LDLRAD1: variants seen among roughly 807,000 people sequenced by gnomAD.
LDLRAD1 encodes the protein low density lipoprotein receptor class A domain containing 1.
LDLRAD1 carries 17 observed loss-of-function variants against 24.8 expected under a neutral mutation model. That is an observed-to-expected ratio of 0.69 (90% CI 0.47 to 1.03). The LOEUF is 1.03. LDLRAD1 is among the 50% of genes least tolerant of loss of function. The pLI is 0.00. For missense variants in LDLRAD1, 277 were observed against 271.0 expected (o/e 1.02, Z -0.16); for synonymous variants, 103 against 108.2 (o/e 0.95, Z 0.30).
At chr1:54,012,053 T>A (rs55766128) in intron 4 of LDLRAD1, 90 bp downstream of exon 4, 10 of 1,493,862 alleles carry the variant, frequency 6.7e-6, no homozygotes, top group Non-Finnish European at 9.1e-6. Flanking sequence ...CCATGGGGAC[T>A]TGAAGGTGCC....
At chr1:54,015,259 T>C (rs1656254895) in intron 2 of LDLRAD1, among the ~76,000 whole-genome samples, 1 of 152,040 alleles carries the variant, frequency 6.6e-6, no homozygotes. Context: ...CGTGCACCAC[T>C]GTGTCTGGCC....
In LDLRAD1 at chr1:54,017,441, C is replaced by T; in HGVS notation, c.22-14G>A. On this transcript the variant is annotated splice_polypyrimidine_tract_variant and intron_variant, in intron 1 of 5. Transcript: ENST00000371360. ...GCCATTCTCTCCCTGCCCAAGAGAA[C>T]AGAGTGAGGGGTGGGCTTAGGTGAG... 1.3e-6 allele frequency: 2 copies of T among 1,595,416 alleles called. No individual in the cohort carries two copies. Among genetic ancestry groups the T allele is most frequent in the Non-Finnish European group, 1.7e-6 (2 of 1,169,666 alleles).
Position 54,009,051 on chromosome 1 carries a change from C to G in LDLRAD1, c.549G>C (p.Arg183Ser), listed in dbSNP as rs1557660469. 2 of 1,614,038 alleles carry G rather than the reference C, an allele frequency of 1.2e-6. No homozygotes were observed. The highest frequency in any genetic ancestry group is 1.7e-6 in the Non-Finnish European group (2 of 1,180,004). The change falls in exon 6 of 6, where the codon AGG becomes AGC. Residue 183 changes from arginine (R) to serine (S), a missense_variant. Arg to Ser is a moderately radical substitution (Grantham distance 110). Coordinates refer to ENST00000371360, the MANE Select transcript of LDLRAD1 (RefSeq NM_001010978.4). Reference protein sequence around the residue: ...TFFKYCDCIPRHLCRDHVQHC... With the variant: ...TFFKYCDCIPSHLCRDHVQHC... ...GCTGTACATGGTCGCGGCAGAGATG[C>G]CTCGGTATACAGTCGCAGTACTTGA...
At chr1:54,015,468 G>A (rs766043622) in intron 2 of LDLRAD1, among the ~76,000 whole-genome samples, 1 of 152,072 alleles carries the variant, frequency 6.6e-6, no homozygotes, top group African/African-American at 2.4e-5. Flanking sequence ...CCTGGTCCTT[G>A]CCCTCTGCAG....
At chr1:54,015,662 TG>T (rs67867145) in intron 2 of LDLRAD1, among the ~76,000 whole-genome samples, 38,342 of 144,210 alleles carry the variant, frequency 0.27, 6,228 homozygotes, top group East Asian at 0.48. Flanking sequence ...TTGTTTTTTT[TG>T]TTTTTTTTTT....
Position 54,012,125 on chromosome 1 carries a change from C to T in LDLRAD1, c.340+18G>A. On this transcript the variant is annotated intron_variant, in intron 4 of 5. Coordinates refer to ENST00000371360, the MANE Select transcript of LDLRAD1 (RefSeq NM_001010978.4). ...GTGGGGGAACCCCTGGGAGGGGCAG[C>T]ACCGAGCGGGTACTCACGGCACAAG... is the stretch of plus-strand genomic sequence containing the variant. The T allele has an allele frequency of 6.2e-7, 1 of 1,612,716 alleles. No homozygotes were observed. The highest frequency in any genetic ancestry group is 8.5e-7 in the Non-Finnish European group (1 of 1,179,734).
In LDLRAD1 at chr1:54,017,575, T is replaced by A. The variant is rs1656363618; in HGVS notation, c.22-148A>T. 5 of 690,064 alleles carry A rather than the reference T, an allele frequency of 7.2e-6. No individual in the cohort carries two copies. In the Admixed American group the frequency reaches 1.1e-4, roughly 15 times the overall value. The allele number at this position is 690,064 out of a possible 1,614,324, so 42.7% of individuals were successfully genotyped here. ...ACACCCCAGCATCTCACGCCCCAGA[T>A]GCATCATGCCCGCTTCATATGTCCA... is the stretch of plus-strand genomic sequence containing the variant. On this transcript the variant is annotated intron_variant, in intron 1 of 5. Coordinates refer to ENST00000371360, the MANE Select transcript of LDLRAD1 (RefSeq NM_001010978.4).
At chr1:54,014,655 G>A (rs970052467) in intron 2 of LDLRAD1, among the ~76,000 whole-genome samples, 1 of 148,302 alleles carries the variant, frequency 6.7e-6, no homozygotes, top group African/African-American at 2.5e-5. Context: ...TCCTCAGGAC[G>A]CAGGGAGAGA....
chr1:54,016,314 G>A (rs571343684), intron 2 of LDLRAD1, among the ~76,000 whole-genome samples: 1 of 152,276 alleles, frequency 6.6e-6, no homozygotes, highest in African/African-American at 2.4e-5. Flanking sequence ...TTGGCCATCA[G>A]CAAACAGGGT....
At position 54,008,885 on chromosome 1, in the gene LDLRAD1, G is replaced by A; in HGVS notation, c.*97C>T. ...AATGATGTGTAGATCCCATTTCAAA[G>A]GCTGCTTCCTGCCCTTGTGCGCTAG... On this transcript the variant is annotated 3_prime_UTR_variant, in exon 6 of 6. Transcript: ENST00000371360. 1.9e-6 allele frequency: 2 copies of A among 1,037,434 alleles called. No individual in the cohort carries two copies. Among genetic ancestry groups the A allele is most frequent in the Non-Finnish European group, 1.3e-6 (1 of 753,836 alleles). The allele number at this position is 1,037,434 out of a possible 1,614,324, so 64.3% of individuals were successfully genotyped here. A position where few individuals can be genotyped will look rare whatever the true frequency, so the allele number is the denominator to read the frequency against.
intron 3 of LDLRAD1, among the ~76,000 whole-genome samples, chr1:54,013,654 C>T (rs1656160735): frequency 6.6e-6 from 1 of 152,130 alleles, no homozygotes. Context: ...CTTTTCCTGG[C>T]ATCCCCCCAC....
At position 54,008,881 on chromosome 1, in the gene LDLRAD1, CAA is replaced by C; in HGVS notation, c.*99_*100del. On this transcript the variant is annotated 3_prime_UTR_variant, in exon 6 of 6. Coordinates refer to ENST00000371360, the MANE Select transcript of LDLRAD1 (RefSeq NM_001010978.4). ...CAGAAATGATGTGTAGATCCCATTT[CAA>C]AGGCTGCTTCCTGCCCTTGTGCGCT... is the stretch of plus-strand genomic sequence containing the variant. The C allele has an allele frequency of 1.0e-6, 1 of 993,768 alleles. No homozygotes were observed. Among genetic ancestry groups the C allele is most frequent in the Non-Finnish European group, 1.4e-6 (1 of 723,154 alleles). 61.6% of individuals were successfully genotyped at this position (993,768 alleles called of 1,614,324 possible).
At chr1:54,017,862 C>A (rs919145441) in intron 1 of LDLRAD1, among the ~76,000 whole-genome samples, 1 of 152,104 alleles carries the variant, frequency 6.6e-6, no homozygotes, top group Non-Finnish European at 1.5e-5. Context: ...CGGGGCAGGA[C>A]GGGGGCTGAT....
chr1:54,013,636 C>T (rs970459438), intron 3 of LDLRAD1, among the ~76,000 whole-genome samples: 4 of 151,588 alleles, frequency 2.6e-5, no homozygotes, highest in African/African-American at 9.7e-5. Context: ...TTCCCTGTGC[C>T]TGGGATGCTT....
intron 4 of LDLRAD1, among the ~76,000 whole-genome samples, chr1:54,011,310 A>C (rs2100247968): frequency 6.6e-6 from 1 of 152,158 alleles, no homozygotes; most frequent in South Asian, 2.1e-4. Context: ...GGGAGGAACC[A>C]CTCTGGGAGG....
rs960318996 is a variant in LDLRAD1, at chr1:54,007,872, G to A, written c.*1110C>T. On this transcript the variant is annotated 3_prime_UTR_variant, in exon 6 of 6. Coordinates refer to ENST00000371360, the MANE Select transcript of LDLRAD1 (RefSeq NM_001010978.4). Reference sequence around the variant, plus strand: ...GGGTTCCAGTTCCAGCGCTGACTTTGCTCTATGATTCTGGACAAGTCATCG... The same window carrying A: ...GGGTTCCAGTTCCAGCGCTGACTTTACTCTATGATTCTGGACAAGTCATCG... 6.6e-6 allele frequency: 1 copy of A among 152,252 alleles called. No individual in the cohort carries two copies. The highest frequency in any genetic ancestry group is 2.4e-5 in the African/African-American group (1 of 41,452). 9.4% of individuals were successfully genotyped at this position (152,252 alleles called of 1,614,324 possible).
At chr1:54,011,257 T>C (rs1656037592) in intron 4 of LDLRAD1, among the ~76,000 whole-genome samples, 1 of 152,130 alleles carries the variant, frequency 6.6e-6, no homozygotes, top group Non-Finnish European at 1.5e-5. Context: ...AAGTGTGGTC[T>C]ATCGGGGCAG....
At chr1:54,017,807 T>C (rs1656374920) in intron 1 of LDLRAD1, among the ~76,000 whole-genome samples, 1 of 152,102 alleles carries the variant, frequency 6.6e-6, no homozygotes, top group Non-Finnish European at 1.5e-5. Context: ...CTGGACTGTA[T>C]TGCTGGGTCA....
intron 1 of LDLRAD1, 87 bp from the exon 2 acceptor site, chr1:54,017,514 C>T (rs1656360765): frequency 8.8e-7 from 1 of 1,140,536 alleles, no homozygotes; most frequent in Admixed American, 2.0e-5. Flanking sequence ...TCAGAGGGGT[C>T]ACTGAGAGAG....
Sources: gnomAD v4.1 joint callset for allele counts (sites outside exome capture counted in the v4.1 genomes callset) on GRCh38, gnomAD v4.1.1 for gene constraint, MANE v1.5 for transcripts, NCBI Gene and HGNC (gene_info 2026-07-23, HGNC 2026-07-21) for gene names.